The following TNR variants were observed in gnomAD, a reference collection of about 807,000 sequenced individuals.
TNR encodes the protein tenascin R.
In TNR, 45 loss-of-function variants were observed where a neutral mutation model predicts 150.4. The observed-to-expected ratio is 0.30, with a 90% CI of 0.24 to 0.38. The LOEUF is 0.38. TNR is among the 10% of genes least tolerant of loss of function. TNR has a pLI of 1.00. For synonymous variants in TNR, 687 were observed against 678.4 expected (o/e 1.01, Z -0.20); for missense variants, 1,544 against 1,759.1 (o/e 0.88, Z 2.19).
At chr1:175,404,632 A>G (rs1653867580) in intron 3 of TNR, among the ~76,000 whole-genome samples, 2 of 152,166 alleles carry the variant, frequency 1.3e-5, no homozygotes, top group Admixed American at 6.5e-5. Context: ...CCCCATGAAA[A>G]TATACTTTAC....
In TNR at chr1:175,379,534, G is replaced by GAGAT. The variant is rs1440153864; in HGVS notation, c.1963+14_1963+17dup. 1.2e-6 allele frequency: 2 copies of GAGAT among 1,607,298 alleles called. No individual in the cohort carries two copies. Among genetic ancestry groups the GAGAT allele is most frequent in the African/African-American group, 2.7e-5 (2 of 74,908 alleles). Reference sequence around the variant, plus strand: ...GACTCAGCAACCAGCATAACCCCAAGAGATAGGTCTTACTCACCTGTCAGG... The same window carrying GAGAT: ...GACTCAGCAACCAGCATAACCCCAAGAGATAGATAGGTCTTACTCACCTGTCAGG... On this transcript the variant is annotated intron_variant, in intron 9 of 22. Coordinates refer to ENST00000367674, the MANE Select transcript of TNR (RefSeq NM_003285.3).
At chr1:175,616,198 T>A (rs1399076572) in intron 1 of TNR, among the ~76,000 whole-genome samples, 1 of 152,134 alleles carries the variant, frequency 6.6e-6, no homozygotes, top group Non-Finnish European at 1.5e-5. Flanking sequence ...AGAAGTATTC[T>A]CTGGGGGATG....
At position 175,398,606 on chromosome 1, in the gene TNR, C is replaced by G. The variant is rs189018889; in HGVS notation, c.977-1799G>C. ...TATTATGTACCAAGTACAATGCTAA[C>G]CACTTTTACATAGATTATTTCAATT... On this transcript the variant is annotated intron_variant, in intron 4 of 22. Transcript: ENST00000367674. Among the ~76,000 whole-genome samples the G allele has an allele frequency of 2.2e-3, 336 of 152,236 alleles. 8 individuals carry two copies. The highest frequency in any genetic ancestry group is 6.9e-4 in the Non-Finnish European group (47 of 68,016).
intron 1 of TNR, among the ~76,000 whole-genome samples, chr1:175,650,196 AC>A (rs2101887795): frequency 6.6e-6 from 1 of 152,164 alleles, no homozygotes; most frequent in African/African-American, 2.4e-5. Flanking sequence ...AGCCTGGCCA[AC>A]ATGGTGAAAC....
chr1:175,341,960 A>G (rs1277045012), intron 18 of TNR, among the ~76,000 whole-genome samples: 3 of 152,242 alleles, frequency 2.0e-5, no homozygotes, highest in African/African-American at 7.2e-5. Context: ...GGACAAGGTT[A>G]CCTGCTCAGC....
chr1:175,510,484 G>A lies in TNR; in HGVS notation c.-64+17785C>T, dbSNP rs117323860. ...CGTGTCCCCCATGGCCTTTCCTGGT[G>A]AGAGTCAGCACCATCATTATTGTTT... On this transcript the variant is annotated intron_variant, in intron 2 of 22. Transcript: ENST00000367674. Among the ~76,000 whole-genome samples, 144 of 152,270 alleles carry A rather than the reference G, an allele frequency of 9.5e-4. 1 individual carries two copies. In the East Asian group the frequency reaches 0.021, roughly 23 times the overall value.
intron 18 of TNR, among the ~76,000 whole-genome samples, chr1:175,352,903 G>C (rs767794747): frequency 2.6e-5 from 4 of 152,328 alleles, no homozygotes; most frequent in Non-Finnish European, 4.4e-5. Context: ...CAGTGGGGGA[G>C]ACACCTGGTG....
chr1:175,695,744 GT>G (rs1178792244), intron 1 of TNR, among the ~76,000 whole-genome samples: 4 of 152,086 alleles, frequency 2.6e-5, no homozygotes, highest in Non-Finnish European at 5.9e-5. Flanking sequence ...CCAGTAATAT[GT>G]TTTATTAAAC....
In TNR at chr1:175,514,442, A is replaced by G. The variant is rs577744467; in HGVS notation, c.-64+13827T>C. ...TGTGTCTGACCTACAGAGCAGTAAG[A>G]TAATACATTTTTATTGTTTTCAGCC... On this transcript the variant is annotated intron_variant, in intron 2 of 22. Transcript: ENST00000367674. Among the ~76,000 whole-genome samples, 210 of 152,318 alleles carry G rather than the reference A, an allele frequency of 1.4e-3. 1 individual carries two copies. The highest frequency in any genetic ancestry group is 2.6e-3 in the Non-Finnish European group (177 of 68,032).
intron 1 of TNR, among the ~76,000 whole-genome samples, chr1:175,608,272 T>C (rs1663479664): frequency 6.6e-6 from 1 of 152,224 alleles, no homozygotes; most frequent in South Asian, 2.1e-4. Flanking sequence ...TTATAAGATG[T>C]TCAGAAAACA....
At chr1:175,628,968 G>T (rs1186516304) in intron 1 of TNR, among the ~76,000 whole-genome samples, 1 of 152,162 alleles carries the variant, frequency 6.6e-6, no homozygotes. Context: ...ATTTTACCTT[G>T]TGCTCTGAGA....
intron 2 of TNR, among the ~76,000 whole-genome samples, chr1:175,461,406 G>A (rs1161113741): frequency 6.6e-6 from 1 of 152,100 alleles, no homozygotes; most frequent in Non-Finnish European, 1.5e-5. Context: ...CACTCCAAGG[G>A]GTGAGAGAGT....
chr1:175,520,370 C>T (rs564680234), intron 2 of TNR, among the ~76,000 whole-genome samples: 10 of 152,194 alleles, frequency 6.6e-5, no homozygotes, highest in Non-Finnish European at 1.2e-4. Context: ...CCATGGCCAC[C>T]GTTGTTCTGC....
intron 1 of TNR, among the ~76,000 whole-genome samples, chr1:175,661,540 C>A (rs939838231): frequency 6.6e-6 from 1 of 152,090 alleles, no homozygotes; most frequent in African/African-American, 2.4e-5. Flanking sequence ...TCCTGCCTCA[C>A]GTTGTACTGC....
At chr1:175,583,134 G>A (rs1206970624) in intron 1 of TNR, among the ~76,000 whole-genome samples, 1 of 152,188 alleles carries the variant, frequency 6.6e-6, no homozygotes, top group Non-Finnish European at 1.5e-5. Context: ...CAAAGAGAGG[G>A]CCAGAGGAAA....
chr1:175,743,341 C>T lies in TNR; in HGVS notation c.-280G>A, dbSNP rs1324804375. 1 of 152,176 alleles carries T rather than the reference C, an allele frequency of 6.6e-6. No homozygotes were observed. The highest frequency in any genetic ancestry group is 6.5e-5 in the Admixed American group (1 of 15,276). The allele number at this position is 152,176 out of a possible 1,614,324, so 9.4% of individuals were successfully genotyped here. A position where few individuals can be genotyped will look rare whatever the true frequency, so the allele number is the denominator to read the frequency against. ...CCTAGAGAGCCCTCCTCTTTCCCTT[C>T]TCTTCCCTTCCTCCTATTCTGGGAG... On this transcript the variant is annotated 5_prime_UTR_variant, in exon 1 of 23. Coordinates refer to ENST00000367674, the MANE Select transcript of TNR (RefSeq NM_003285.3).
At chr1:175,374,558 G>C (rs933576070) in intron 9 of TNR, among the ~76,000 whole-genome samples, 1 of 152,214 alleles carries the variant, frequency 6.6e-6, no homozygotes, top group African/African-American at 2.4e-5. Context: ...ATGTGTGCAT[G>C]TGGTGAGTGT....
At chr1:175,411,752 A>G (rs1361103578) in intron 2 of TNR, among the ~76,000 whole-genome samples, 1 of 151,946 alleles carries the variant, frequency 6.6e-6, no homozygotes, top group Non-Finnish European at 1.5e-5. Context: ...TCTTAACTTC[A>G]TTACTTATAT....
chr1:175,326,417 C>T (rs1353727111), intron 21 of TNR, among the ~76,000 whole-genome samples: 1 of 152,136 alleles, frequency 6.6e-6, no homozygotes, highest in East Asian at 1.9e-4. Context: ...CTGATGCCTC[C>T]CACCACAACT....
Sources: gnomAD v4.1 joint callset for allele counts (sites outside exome capture counted in the v4.1 genomes callset) on GRCh38, gnomAD v4.1.1 for gene constraint, MANE v1.5 for transcripts, NCBI Gene and HGNC (gene_info 2026-07-23, HGNC 2026-07-21) for gene names.